The following KMT2C variants were observed in gnomAD, a reference collection of about 807,000 sequenced individuals.
KMT2C encodes the protein lysine methyltransferase 2C.
KMT2C carries 88 observed loss-of-function variants against 507.9 expected under a neutral mutation model. The ratio of observed to expected loss-of-function variants is 0.17; its 90% confidence interval spans 0.15 to 0.21. The LOEUF is 0.21. KMT2C is among the 10% of genes least tolerant of loss of function. The pLI is 1.00. For missense variants in KMT2C, 4,954 were observed against 5,957.8 expected (o/e 0.83, Z 5.55); for synonymous variants, 2,049 against 2,080.8 (o/e 0.98, Z 0.42).
At chr7:152,302,123 A>G (rs1430580702) in intron 6 of KMT2C, among the ~76,000 whole-genome samples, 1 of 152,218 alleles carries the variant, frequency 6.6e-6, no homozygotes, top group Non-Finnish European at 1.5e-5. Context: ...ACAAAATACA[A>G]TGAAATTTCA....
intron 1 of KMT2C, among the ~76,000 whole-genome samples, chr7:152,428,068 G>C (rs1021426438): frequency 1.2e-4 from 19 of 152,042 alleles, no homozygotes; most frequent in Admixed American, 2.6e-4. Context: ...CCAAGTATTT[G>C]AGTGCCTACA....
chr7:152,199,554 C>T (rs2094070690), intron 26 of KMT2C, 95 bp from the exon 27 acceptor site: 2 of 692,802 alleles, frequency 2.9e-6, no homozygotes, highest in Admixed American at 3.5e-5. Flanking sequence ...GCAGAAATAA[C>T]AGAAAAGGTT....
chr7:152,299,222 G>A (rs2096543343), intron 6 of KMT2C, among the ~76,000 whole-genome samples: 1 of 151,964 alleles, frequency 6.6e-6, no homozygotes, highest in African/African-American at 2.4e-5. Flanking sequence ...GGAGACTGAG[G>A]CAGGAGAATC....
chr7:152,263,686 T>A (rs2129172687), intron 8 of KMT2C, among the ~76,000 whole-genome samples: 1 of 152,322 alleles, frequency 6.6e-6, no homozygotes, highest in Admixed American at 6.5e-5. Context: ...GTGCTTAGAA[T>A]GTCTATTAAG....
At chr7:152,203,187 C>CA (rs1464465820) in intron 25 of KMT2C, 123 bp from the exon 26 acceptor site, 2 of 677,686 alleles carry the variant, frequency 3.0e-6, no homozygotes, top group East Asian at 3.1e-5. Flanking sequence ...GCTTTTTGAA[C>CA]AAAAAAATCT....
chr7:152,288,054 A>T (rs1477981768), intron 6 of KMT2C, among the ~76,000 whole-genome samples: 15 of 150,802 alleles, frequency 9.9e-5, no homozygotes, highest in Non-Finnish European at 1.8e-4. Flanking sequence ...AAGCAATTAC[A>T]AACATACTTT....
chr7:152,314,254 C>T (rs932974251), intron 4 of KMT2C, among the ~76,000 whole-genome samples: 6 of 152,062 alleles, frequency 3.9e-5, no homozygotes, highest in Non-Finnish European at 8.8e-5. Context: ...TACAACACAA[C>T]AATGATTTAG....
intron 1 of KMT2C, among the ~76,000 whole-genome samples, chr7:152,372,550 A>C (rs1417252023): frequency 6.6e-6 from 1 of 152,216 alleles, no homozygotes; most frequent in African/African-American, 2.4e-5. Context: ...AGAGATGGAA[A>C]AAGATATTCC....
Position 152,248,106 on chromosome 7 carries a change from T to C in KMT2C, c.2328A>G (p.Ile776Met), listed in dbSNP as rs772537753. Residue 776 changes from isoleucine (I) to methionine (M), a missense_variant, in exon 14 of 59, where the codon ATA becomes ATG. Transcript: ENST00000262189. Reference protein sequence around the residue: ...TESSFSSSADISKADVSSSPT... With the variant: ...TESSFSSSADMSKADVSSSPT... ...GGGAGGAAGACACATCTGCCTTGCT[T>C]ATGTCTGCTGATGATGAAAATGATG... 1.2e-6 allele frequency: 2 copies of C among 1,614,218 alleles called. No individual in the cohort carries two copies. Among genetic ancestry groups the C allele is most frequent in the South Asian group, 1.1e-5 (1 of 91,088 alleles).
chr7:152,372,191 T>A (rs1026290399), intron 1 of KMT2C, among the ~76,000 whole-genome samples: 2 of 152,210 alleles, frequency 1.3e-5, no homozygotes, highest in African/African-American at 4.8e-5. Context: ...AGTCTCACTC[T>A]GTCGCCCAGA....
intron 1 of KMT2C, among the ~76,000 whole-genome samples, chr7:152,429,039 A>AT (rs1366972648): frequency 5.3e-5 from 8 of 152,056 alleles, no homozygotes; most frequent in Non-Finnish European, 1.2e-4. Flanking sequence ...CCTTCCCTCA[A>AT]TAATTTCATT....
At chr7:152,255,153 A>G (rs1460779053) in intron 9 of KMT2C, among the ~76,000 whole-genome samples, 36 of 136,402 alleles carry the variant, frequency 2.6e-4, no homozygotes, top group African/African-American at 9.4e-4. Flanking sequence ...ATACATATAT[A>G]TATATGTGTG....
In KMT2C at chr7:152,159,020, G is replaced by T. The variant is rs2129101609; in HGVS notation, c.11513C>A (p.Pro3838Gln). 3 of 1,614,016 alleles carry T rather than the reference G, an allele frequency of 1.9e-6. No individual in the cohort carries two copies. Among genetic ancestry groups the T allele is most frequent in the Middle Eastern group, 1.7e-4 (1 of 6,058 alleles). ...QGGFGCGNQL[P>Q]KTDGGSETKK... The stretch of plus-strand genomic sequence containing the variant: ...GGTTTCACTTCCTCCATCTGTTTTT[G>T]GCAACTGGTTGCCACATCCAAAACC... The change falls in exon 44 of 59, where the codon CCA (proline) becomes CAA (glutamine). Residue 3838 changes from proline to glutamine, a missense_variant. Coordinates refer to ENST00000262189, the MANE Select transcript of KMT2C (RefSeq NM_170606.3).
Position 152,400,303 on chromosome 7 carries a change from C to T in KMT2C, c.161+35323G>A, listed in dbSNP as rs562270821. On this transcript the variant is annotated intron_variant, in intron 1 of 58. Coordinates refer to ENST00000262189, the MANE Select transcript of KMT2C (RefSeq NM_170606.3). ...CAGCCTGGGCAACAGAGCAAGACTC[C>T]GTCTCAAAAAAATAAAAAAAAGAAA... 7.3e-5 allele frequency among the ~76,000 whole-genome samples: 11 copies of T among 151,496 alleles called. No homozygotes were observed. In the South Asian group the frequency reaches 1.5e-3, roughly 20 times the overall value.
chr7:152,350,116 G>A (rs1445616787), intron 2 of KMT2C, among the ~76,000 whole-genome samples: 1 of 152,046 alleles, frequency 6.6e-6, no homozygotes, highest in Non-Finnish European at 1.5e-5. Context: ...TGGGCGTGGT[G>A]GCACATGCCT....
intron 38 of KMT2C, among the ~76,000 whole-genome samples, chr7:152,175,978 G>C (rs939221927): frequency 6.6e-6 from 1 of 152,282 alleles, no homozygotes; most frequent in East Asian, 1.9e-4. Context: ...AGGAGGTGGA[G>C]GTTGCTGTGA....
At chr7:152,365,163 G>A (rs2097231330) in intron 1 of KMT2C, among the ~76,000 whole-genome samples, 1 of 152,104 alleles carries the variant, frequency 6.6e-6, no homozygotes, top group Admixed American at 6.6e-5. Context: ...AAAATTAAAG[G>A]AAAAACCCTT....
At chr7:152,322,196 C>G (rs1314798425) in intron 3 of KMT2C, among the ~76,000 whole-genome samples, 1 of 151,778 alleles carries the variant, frequency 6.6e-6, no homozygotes, top group Non-Finnish European at 1.5e-5. Context: ...AACCCCGTCT[C>G]TACTAAAAAT....
intron 50 of KMT2C, 116 bp downstream of exon 50, chr7:152,151,326 A>C: frequency 1.9e-6 from 2 of 1,064,300 alleles, no homozygotes; most frequent in South Asian, 3.1e-5. Context: ...ATCACCAGGA[A>C]CATGTGTCCA....
Sources: allele counts gnomAD v4.1 joint callset (sites outside exome capture counted in the v4.1 genomes callset), GRCh38; gene constraint gnomAD v4.1.1; transcripts MANE v1.5; gene names NCBI Gene and HGNC (gene_info 2026-07-23, HGNC 2026-07-21).